Variants in KIF21A observed in about 807,000 individuals in gnomAD.
KIF21A encodes the protein kinesin-like protein KIF21A.
KIF21A carries 114 observed loss-of-function variants against 202.9 expected under a neutral mutation model. The observed-to-expected ratio is 0.56, with a 90% CI of 0.48 to 0.66. KIF21A has a LOEUF of 0.66. Among genes scored for constraint, KIF21A ranks in the 30% least tolerant of loss-of-function variants. KIF21A has a pLI of 0.00. For missense variants in KIF21A, 1,677 were observed against 1,994.9 expected (o/e 0.84, Z 3.04); for synonymous variants, 667 against 670.8 (o/e 0.99, Z 0.09).
chr12:39,397,756 C>T (rs1047463263), intron 1 of KIF21A, among the ~76,000 whole-genome samples: 1 of 152,162 alleles, frequency 6.6e-6, no homozygotes, highest in African/African-American at 2.4e-5. Flanking sequence ...ATAACACGAA[C>T]GTTTGGATCC....
chr12:39,331,936 G>T, intron 21 of KIF21A, 145 bp from the exon 22 acceptor site: 1 of 734,630 alleles, frequency 1.4e-6, no homozygotes, highest in South Asian at 1.5e-5. Flanking sequence ...ATTACCCCAA[G>T]AAACATAGGG....
chr12:39,340,096 T>C, intron 16 of KIF21A, 69 bp downstream of exon 16: 7 of 1,223,352 alleles, frequency 5.7e-6, no homozygotes, highest in Non-Finnish European at 8.3e-6. Flanking sequence ...ACAAGAGTTG[T>C]TTATTTTTTG....
chr12:39,324,572 A>G (rs1945657149), intron 26 of KIF21A, among the ~76,000 whole-genome samples: 1 of 152,236 alleles, frequency 6.6e-6, no homozygotes, highest in African/African-American at 2.4e-5. Flanking sequence ...ATGTTTTTTG[A>G]TTGGCTTAAC....
intron 1 of KIF21A, among the ~76,000 whole-genome samples, chr12:39,432,434 G>C (rs1938059768): frequency 6.6e-6 from 1 of 152,050 alleles, no homozygotes; most frequent in Non-Finnish European, 1.5e-5. Context: ...AATCAAAGGA[G>C]ACAGCATAGT....
chr12:39,294,564 G>T, intron 37 of KIF21A, 47 bp from the exon 38 acceptor site: 1 of 1,374,312 alleles, frequency 7.3e-7, no homozygotes, highest in Non-Finnish European at 1.0e-6. Context: ...AGGGCAGAAA[G>T]ATAAAGAAAT....
intron 8 of KIF21A, 27 bp downstream of exon 8, chr12:39,358,151 A>C (rs1237052184): frequency 6.2e-7 from 1 of 1,604,880 alleles, no homozygotes; most frequent in African/African-American, 1.3e-5. Flanking sequence ...TGTATCACAA[A>C]ATGCAAAGTC....
intron 27 of KIF21A, among the ~76,000 whole-genome samples, chr12:39,321,122 T>C (rs1224439970): frequency 6.6e-6 from 1 of 152,134 alleles, no homozygotes; most frequent in Non-Finnish European, 1.5e-5. Context: ...ATTTAAATTA[T>C]AAGCATCACC....
chr12:39,320,579 G>A (rs1476322435), intron 27 of KIF21A, among the ~76,000 whole-genome samples: 1 of 151,160 alleles, frequency 6.6e-6, no homozygotes, highest in East Asian at 1.9e-4. Context: ...ATGTCTGCTT[G>A]TAATTAAAAA....
At chr12:39,397,099 A>G (rs141838091) in intron 1 of KIF21A, among the ~76,000 whole-genome samples, 228 of 152,324 alleles carry the variant, frequency 1.5e-3, no homozygotes, top group African/African-American at 5.3e-3. Context: ...GTGTTTTAAA[A>G]CTGGATTGTG....
chr12:39,331,706 G>T lies in KIF21A; in HGVS notation c.3137C>A (p.Ser1046Ter). ...EARYLLDHFL[S>*]MGINKGLQAA... ...GTATCTTACCTTATTGATGCCCATT[G>T]ACAGGAAGTGATCTAGCAGGTATCG... Residue 1046 changes from serine to a stop codon, truncating the protein, a stop_gained, in exon 22 of 38, where the codon TCA becomes TAA. Transcript: ENST00000361418. LOFTEE classifies it high-confidence loss of function. The T allele has an allele frequency of 6.2e-7, 1 of 1,611,574 alleles. No individual in the cohort carries two copies. The highest frequency in any genetic ancestry group is 8.5e-7 in the Non-Finnish European group (1 of 1,177,722).
chr12:39,301,350 T>G, intron 37 of KIF21A, 130 bp downstream of exon 37: 3 of 841,950 alleles, frequency 3.6e-6, no homozygotes, highest in East Asian at 2.6e-5. Flanking sequence ...GAATAAGACA[T>G]CTTAAAACAG....
At chr12:39,378,891 T>C (rs1950431609) in intron 1 of KIF21A, among the ~76,000 whole-genome samples, 1 of 152,064 alleles carries the variant, frequency 6.6e-6, no homozygotes, top group Non-Finnish European at 1.5e-5. Flanking sequence ...GAAACTATAT[T>C]TGACCTGGGT....
At chr12:39,298,076 G>A (rs973406337) in intron 37 of KIF21A, among the ~76,000 whole-genome samples, 3 of 152,004 alleles carry the variant, frequency 2.0e-5, no homozygotes, top group Non-Finnish European at 2.9e-5. Flanking sequence ...AAAATTTATG[G>A]AGCAGCTGTT....
At chr12:39,326,356 T>A in intron 24 of KIF21A, 32 bp from the exon 25 acceptor site, 1 of 1,487,858 alleles carries the variant, frequency 6.7e-7, no homozygotes, top group Non-Finnish European at 9.4e-7. Context: ...GTAAGCATTA[T>A]CCCCATGTCA....
intron 21 of KIF21A, chr12:39,332,008 T>A: frequency 1.5e-6 from 1 of 660,928 alleles, no homozygotes; most frequent in Non-Finnish European, 2.6e-6. Context: ...AGATGACCCA[T>A]GTGTTATATA....
At chr12:39,412,573 G>A (rs1244766725) in intron 1 of KIF21A, among the ~76,000 whole-genome samples, 1 of 151,978 alleles carries the variant, frequency 6.6e-6, no homozygotes, top group Non-Finnish European at 1.5e-5. Context: ...AAAATTACCC[G>A]GGCATGGTGG....
chr12:39,361,973 G>A (rs1358844172), intron 7 of KIF21A, among the ~76,000 whole-genome samples: 3 of 152,144 alleles, frequency 2.0e-5, no homozygotes, highest in African/African-American at 4.8e-5. Flanking sequence ...TTGGTGGGAG[G>A]TGATTAGATG....
At chr12:39,408,887 A>G (rs1009990915) in intron 1 of KIF21A, among the ~76,000 whole-genome samples, 7 of 151,770 alleles carry the variant, frequency 4.6e-5, no homozygotes, top group African/African-American at 1.7e-4. Flanking sequence ...TGGCATGATC[A>G]TGGCTCACTG....
chr12:39,342,774 T>C (rs539477469), intron 12 of KIF21A, among the ~76,000 whole-genome samples: 2 of 152,288 alleles, frequency 1.3e-5, no homozygotes, highest in East Asian at 3.9e-4. Flanking sequence ...GCCCTTTGAT[T>C]GAATAGAAAA....
Sources: allele counts gnomAD v4.1 joint callset (sites outside exome capture counted in the v4.1 genomes callset), GRCh38; gene constraint gnomAD v4.1.1; transcripts MANE v1.5; gene names NCBI Gene and HGNC (gene_info 2026-07-23, HGNC 2026-07-21).